Variants in YPEL1 observed in about 807,000 individuals in gnomAD.
The protein encoded by YPEL1 is yippee like 1.
YPEL1 carries 7 observed loss-of-function variants against 17.3 expected under a neutral mutation model. The observed-to-expected ratio is 0.40, with a 90% CI of 0.23 to 0.76. The LOEUF is 0.76. Among genes scored for constraint, YPEL1 ranks in the 30% least tolerant of loss-of-function variants. The probability of loss-of-function intolerance (pLI) is 0.35; values close to 1 mark genes in which losing one functional copy is unlikely to be tolerated. For synonymous variants in YPEL1, 59 were observed against 59.6 expected (o/e 0.99, Z 0.05); for missense variants, 91 against 155.5 (o/e 0.59, Z 2.21).
chr22:21,705,994 G>T (rs1215812115), intron 2 of YPEL1, among the ~76,000 whole-genome samples: 1 of 151,966 alleles, frequency 6.6e-6, no homozygotes, highest in African/African-American at 2.4e-5. Context: ...GCTGGGCATG[G>T]TGGAGGGTGC....
At position 21,733,723 on chromosome 22, in the gene YPEL1, A is replaced by G. The variant is rs116407937; in HGVS notation, c.-165+1892T>C. 5.7e-3 allele frequency among the ~76,000 whole-genome samples: 870 copies of G among 152,342 alleles called. 5 individuals are homozygous for G. The highest frequency in any genetic ancestry group is 0.024 in the Middle Eastern group (7 of 294). Reference sequence around the variant, plus strand: ...GGTGACAGAATGAGACCTTGTCTCAAAAAACCAATTTGTTTGTTGAAATAA... The same window carrying G: ...GGTGACAGAATGAGACCTTGTCTCAGAAAACCAATTTGTTTGTTGAAATAA... On this transcript the variant is annotated intron_variant, in intron 1 of 4. Coordinates refer to ENST00000339468, the MANE Select transcript of YPEL1 (RefSeq NM_013313.5).
At chr22:21,706,846 AAAATAAAT>A (rs940147249) in intron 2 of YPEL1, among the ~76,000 whole-genome samples, 1 of 152,074 alleles carries the variant, frequency 6.6e-6, no homozygotes, top group African/African-American at 2.4e-5. Flanking sequence ...GCCCTGTCTA[AAAATAAAT>A]AAATAAATAA....
At chr22:21,718,455 G>C (rs2068249589) in intron 1 of YPEL1, among the ~76,000 whole-genome samples, 1 of 151,082 alleles carries the variant, frequency 6.6e-6, no homozygotes. Context: ...ACAGAGCGAG[G>C]CTCCATCAAA....
intron 1 of YPEL1, among the ~76,000 whole-genome samples, chr22:21,729,442 T>TAAAAAAAAAAAAAAAAAAAA (rs35544773): frequency 7.7e-6 from 1 of 130,060 alleles, no homozygotes. Flanking sequence ...CCCCCATCTC[T>TAAAAAAAAAAAAAAAAAAAA]AAAAAAAAAA....
In YPEL1 at chr22:21,703,550, CCCCA is replaced by C; in HGVS notation, c.162-76_162-73del. The C allele has an allele frequency of 7.2e-7, 1 of 1,388,580 alleles. No individual in the cohort carries two copies. Among genetic ancestry groups the C allele is most frequent in the Non-Finnish European group, 1.0e-6 (1 of 992,266 alleles). 86.0% of individuals were successfully genotyped at this position (1,388,580 alleles called of 1,614,324 possible). On this transcript the variant is annotated intron_variant, in intron 3 of 4. Coordinates refer to ENST00000339468, the MANE Select transcript of YPEL1 (RefSeq NM_013313.5). This position sits in a 1 kb window ranked among gnomAD's most constrained non-coding sequence, Gnocchi z 6.1. ...GACCAGGCCCTGCCCCCTCAGCGGG[CCCCA>C]CCCCATCCTCCTAAGAGTTCCCCCA...
intron 2 of YPEL1, among the ~76,000 whole-genome samples, chr22:21,709,889 A>C (rs2068148933): frequency 6.9e-6 from 1 of 145,920 alleles, no homozygotes; most frequent in Non-Finnish European, 1.5e-5. Context: ...GGAGGTCATG[A>C]CCTGAGGATC....
intron 1 of YPEL1, among the ~76,000 whole-genome samples, chr22:21,711,858 A>T (rs1453290093): frequency 2.0e-5 from 3 of 152,216 alleles, no homozygotes; most frequent in Non-Finnish European, 2.9e-5. Flanking sequence ...AAAGAAAAAC[A>T]GACACATTAG....
chr22:21,701,293 C>A (rs540455394), intron 4 of YPEL1, 75 bp from the exon 5 acceptor site: 36 of 1,067,942 alleles, frequency 3.4e-5, no homozygotes, highest in East Asian at 1.8e-4. Context: ...TGGCAAAAAC[C>A]CCCCCCAAGT....
intron 1 of YPEL1, among the ~76,000 whole-genome samples, chr22:21,719,987 G>C (rs950673195): frequency 2.0e-5 from 3 of 149,668 alleles, no homozygotes; most frequent in African/African-American, 4.9e-5. Flanking sequence ...ACTCCAGCGT[G>C]GGTGACAGAG....
intron 2 of YPEL1, among the ~76,000 whole-genome samples, chr22:21,709,539 GC>G (rs1297683139): frequency 6.6e-6 from 1 of 152,158 alleles, no homozygotes; most frequent in Non-Finnish European, 1.5e-5. Flanking sequence ...ACTTTGGGAG[GC>G]CAAGGCAGGA....
chr22:21,725,931 C>G (rs565796172), intron 1 of YPEL1, among the ~76,000 whole-genome samples: 1 of 152,024 alleles, frequency 6.6e-6, no homozygotes, highest in East Asian at 1.9e-4. Flanking sequence ...CCGGGGAGGT[C>G]GAGGCTATGG....
chr22:21,716,429 C>T (rs2068224481), intron 1 of YPEL1, among the ~76,000 whole-genome samples: 1 of 152,264 alleles, frequency 6.6e-6, no homozygotes, highest in South Asian at 2.1e-4. Context: ...GAGAGGCGAG[C>T]CAAGCCGCTC....
At chr22:21,720,213 TTG>T (rs1422289229) in intron 1 of YPEL1, among the ~76,000 whole-genome samples, 2 of 151,406 alleles carry the variant, frequency 1.3e-5, no homozygotes, top group Non-Finnish European at 2.9e-5. Flanking sequence ...TATCACTTTT[TTG>T]TGTGTGAGAC....
intron 1 of YPEL1, among the ~76,000 whole-genome samples, chr22:21,711,693 C>T (rs991562184): frequency 6.6e-6 from 1 of 152,196 alleles, no homozygotes; most frequent in African/African-American, 2.4e-5. Flanking sequence ...AAGTTGGACT[C>T]TTACCTAACA....
At chr22:21,721,374 T>C (rs1188402371) in intron 1 of YPEL1, among the ~76,000 whole-genome samples, 2 of 151,822 alleles carry the variant, frequency 1.3e-5, no homozygotes, top group Admixed American at 1.3e-4. Context: ...CGCCGCAGCC[T>C]CCCAAAGTGC....
chr22:21,716,295 C>T (rs2068223203), intron 1 of YPEL1, among the ~76,000 whole-genome samples: 1 of 152,222 alleles, frequency 6.6e-6, no homozygotes, highest in Non-Finnish European at 1.5e-5. Context: ...AATACTTGGA[C>T]CAGCCCTCCC....
In YPEL1 at chr22:21,714,045, C is replaced by T. The variant is rs561690215; in HGVS notation, c.-164-3137G>A. 2.8e-3 allele frequency among the ~76,000 whole-genome samples: 422 copies of T among 152,070 alleles called. 2 individuals carry two copies. The highest frequency in any genetic ancestry group is 9.4e-3 in the African/African-American group (389 of 41,476). On this transcript the variant is annotated intron_variant, in intron 1 of 4. Coordinates refer to ENST00000339468, the MANE Select transcript of YPEL1 (RefSeq NM_013313.5). ...GCTCCTCCTGAGATGCACCCCCCAC[C>T]GCCCCCCACCCCATGTGACCTCTGC...
chr22:21,721,620 C>T (rs764521574), intron 1 of YPEL1, among the ~76,000 whole-genome samples: 3 of 152,124 alleles, frequency 2.0e-5, no homozygotes, highest in African/African-American at 4.8e-5. Flanking sequence ...GAAGAGGTTT[C>T]GCCATGTTGG....
At position 21,703,706 on chromosome 22, in the gene YPEL1, C is replaced by G; in HGVS notation, c.161+133G>C. ...AGATCCTTAGCGCGTTTCAGAAACT[C>G]CCGGCGGGGGGATGGTGGGTTCTTT... On this transcript the variant is annotated intron_variant, in intron 3 of 4. Transcript: ENST00000339468. The surrounding 1 kb of genome is among the most constrained non-coding windows in gnomAD (Gnocchi z 6.1). 1.4e-6 allele frequency: 1 copy of G among 731,348 alleles called. No individual in the cohort carries two copies. The highest frequency in any genetic ancestry group is 2.1e-6 in the Non-Finnish European group (1 of 484,230). 45.3% of individuals were successfully genotyped at this position (731,348 alleles called of 1,614,324 possible).
Sources: gnomAD v4.1 joint callset for allele counts (sites outside exome capture counted in the v4.1 genomes callset) on GRCh38, gnomAD v4.1.1 for gene constraint, Gnocchi (gnomAD v3.1) non-coding constraint, MANE v1.5 for transcripts, NCBI Gene and HGNC (gene_info 2026-07-23, HGNC 2026-07-21) for gene names.